The following SEH1L variants were observed in gnomAD, a reference collection of about 807,000 sequenced individuals.
SEH1L encodes nucleoporin SEH1.
In SEH1L, 18 loss-of-function variants were observed where a neutral mutation model predicts 49.5. The ratio of observed to expected loss-of-function variants is 0.36; its 90% CI spans 0.25 to 0.54. The LOEUF is 0.54. Among genes scored for constraint, SEH1L ranks in the 20% least tolerant of loss-of-function variants. The pLI is 0.87. For synonymous variants in SEH1L, 169 were observed against 178.1 expected, an observed-to-expected ratio of 0.95 and a Z score of 0.41; for missense variants, 404 against 528.8, an observed-to-expected ratio of 0.76 and a Z score of 2.31.
In SEH1L at chr18:12,948,063, G is replaced by GCGC. The variant is rs1347450930; in HGVS notation, c.-49_-47dup. The stretch of plus-strand genomic sequence containing the variant: ...GAGGTCTGGCTAGGCTACGGGCCAC[G>GCGC]CGCCGCCGCCGCTGCCGCCGCCACT... On this transcript the variant is annotated 5_prime_UTR_variant, in exon 1 of 9. Transcript: ENST00000399892. 107 of 1,363,538 alleles carry GCGC rather than the reference G, an allele frequency of 7.8e-5. No individual in the cohort carries two copies. In the African/African-American group the frequency reaches 1.5e-3, roughly 19 times the overall value. The allele number at this position is 1,363,538 out of a possible 1,614,324, so 84.5% of individuals were successfully genotyped here. A position where few individuals can be genotyped will look rare whatever the true frequency, so the allele number is the denominator to read the frequency against.
At chr18:12,949,532 A>G (rs1218501716) in intron 1 of SEH1L, among the ~76,000 whole-genome samples, 1 of 126,424 alleles carries the variant, frequency 7.9e-6, no homozygotes, top group East Asian at 2.5e-4. Flanking sequence ...GGCTCACTGC[A>G]AGCTCCGCCT....
intron 4 of SEH1L, among the ~76,000 whole-genome samples, chr18:12,966,844 A>G (rs940846600): frequency 5.3e-5 from 8 of 152,054 alleles, no homozygotes; most frequent in African/African-American, 1.9e-4. Flanking sequence ...TTATTCCAGG[A>G]TTTACTCTCC....
rs548875824 is a variant in SEH1L, at chr18:12,957,352, C to T, written c.309+1743C>T. Among the ~76,000 whole-genome samples the T allele has an allele frequency of 1.5e-3, 230 of 151,888 alleles. 6 individuals carry two copies. In the Middle Eastern group the frequency reaches 0.02, roughly 13 times the overall value. ...CTGAGGCAGGAGAATCGCTTGAACCCGGGAGGCGGAGGTTGTGATGAGCAG... is the reference window on the plus strand; with the variant it reads ...CTGAGGCAGGAGAATCGCTTGAACCTGGGAGGCGGAGGTTGTGATGAGCAG... On this transcript the variant is annotated intron_variant, in intron 3 of 8. Transcript: ENST00000399892.
intron 4 of SEH1L, among the ~76,000 whole-genome samples, chr18:12,963,880 T>C (rs970957374): frequency 2.6e-5 from 4 of 152,212 alleles, no homozygotes; most frequent in Admixed American, 2.0e-4. Flanking sequence ...GTCTGCCTAA[T>C]TTTTGCATTT....
At chr18:12,978,586 G>A (rs1168054339) in intron 5 of SEH1L, 166 bp from the exon 6 acceptor site, 1 of 555,198 alleles carries the variant, frequency 1.8e-6, no homozygotes, top group Non-Finnish European at 3.2e-6. Flanking sequence ...CACAGGGTCT[G>A]GGGGTCAGGA....
chr18:12,951,885 C>T lies in SEH1L; in HGVS notation c.142C>T (p.His48Tyr), dbSNP rs372715497. Residue 48 changes from histidine to tyrosine, a missense_variant, in exon 2 of 9, where the codon CAT becomes TAT. By Grantham distance (83) the His-to-Tyr change is moderately conservative (BLOSUM62 2). Coordinates refer to ENST00000399892, the MANE Select transcript of SEH1L (RefSeq NM_001013437.2). ...VWDKSESGDWHCTASWKTHSG... is the reference protein window; with the variant it reads ...VWDKSESGDWYCTASWKTHSG... ...GGATAAAAGTGAAAGTGGTGATTGG[C>T]ATTGTACTGCTAGCTGGAAGGTTAG... The T allele has an allele frequency of 2.6e-6, 4 of 1,568,158 alleles. No individual in the cohort carries two copies. The highest frequency in any genetic ancestry group is 3.5e-6 in the Non-Finnish European group (4 of 1,149,528).
intron 5 of SEH1L, chr18:12,976,352 T>G (rs1435498170): frequency 6.6e-6 from 1 of 152,214 alleles, no homozygotes; most frequent in Non-Finnish European, 1.5e-5. Flanking sequence ...TTCCGTCCCC[T>G]GGGTAGAAAA....
At chr18:12,980,080 G>T (rs2032128230) in intron 6 of SEH1L, among the ~76,000 whole-genome samples, 1 of 66,482 alleles carries the variant, frequency 1.5e-5, no homozygotes, top group African/African-American at 1.1e-4. Context: ...CCGGGCGGGG[G>T]GCTGACCCCC....
intron 1 of SEH1L, among the ~76,000 whole-genome samples, chr18:12,950,726 G>A (rs2030470337): frequency 6.6e-6 from 1 of 152,236 alleles, no homozygotes; most frequent in Non-Finnish European, 1.5e-5. Context: ...GCCAGTGATA[G>A]TATTGATTTG....
intron 1 of SEH1L, among the ~76,000 whole-genome samples, chr18:12,951,410 A>C (rs1022435017): frequency 6.6e-6 from 1 of 152,108 alleles, no homozygotes; most frequent in Non-Finnish European, 1.5e-5. Flanking sequence ...AAATTTTTTG[A>C]GACGGAGTCT....
At chr18:12,962,377 GAAAA>G (rs540878226) in intron 3 of SEH1L, among the ~76,000 whole-genome samples, 1 of 70,882 alleles carries the variant, frequency 1.4e-5, no homozygotes, top group African/African-American at 4.9e-5. Flanking sequence ...CTGTCCCTAA[GAAAA>G]AAAAAAAAAT....
Position 12,978,581 on chromosome 18 carries a change from G to A in SEH1L, c.621-171G>A, listed in dbSNP as rs2032023744. 2.0e-5 allele frequency: 10 copies of A among 506,046 alleles called. No individual in the cohort carries two copies. In the East Asian group the frequency reaches 2.9e-4, roughly 15 times the overall value. 31.3% of individuals were successfully genotyped at this position (506,046 alleles called of 1,614,324 possible). ...TTTTTGAATAAGGTCACATTCACAG[G>A]GTCTGGGGGTCAGGACTTGGACATA... is the stretch of plus-strand genomic sequence containing the variant. On this transcript the variant is annotated intron_variant, in intron 5 of 8. Transcript: ENST00000399892.
intron 8 of SEH1L, chr18:12,985,518 T>C: frequency 8.2e-7 from 1 of 1,219,844 alleles, no homozygotes; most frequent in South Asian, 3.1e-5. Context: ...AAAACAATTT[T>C]TTGAAATGTT....
chr18:12,986,981 A>G lies in SEH1L; in HGVS notation c.1190A>G (p.Asn397Ser). ...VEHSCDADTA[N>S]LQYPHPRRRY... ...CACTCTTGCGATGCTGACACTGCCA[A>G]CCTCCAGTATCCTCACCCTCGCAGA... The change falls in exon 9 of 9, where the codon AAC becomes AGC. Residue 397 changes from asparagine (N) to serine (S), a missense_variant. Around this residue, in one of 3 missense-constraint regions of SEH1L, gnomAD observed 342 missense variants for 430.8 expected, o/e 0.79. Transcript: ENST00000399892. The G allele has an allele frequency of 1.2e-6, 2 of 1,613,014 alleles. No homozygotes were observed. Among genetic ancestry groups the G allele is most frequent in the African/African-American group, 1.3e-5 (1 of 74,722 alleles).
intron 3 of SEH1L, among the ~76,000 whole-genome samples, chr18:12,960,024 G>C (rs545799521): frequency 3.3e-5 from 5 of 152,288 alleles, no homozygotes; most frequent in South Asian, 2.1e-4. Context: ...ATCTAGTAAG[G>C]GAGGGGGAGT....
At chr18:12,950,713 A>G (rs2030468818) in intron 1 of SEH1L, among the ~76,000 whole-genome samples, 1 of 152,228 alleles carries the variant, frequency 6.6e-6, no homozygotes, top group African/African-American at 2.4e-5. Context: ...ACCGTTTTAT[A>G]CCGCCAGTGA....
chr18:12,977,871 C>T (rs1203733354), intron 5 of SEH1L: 1 of 151,766 alleles, frequency 6.6e-6, no homozygotes. Context: ...CTGTGTTGCC[C>T]AGGCTGGAGT....
At chr18:12,975,066 C>T (rs1200815453) in intron 5 of SEH1L, among the ~76,000 whole-genome samples, 4 of 148,240 alleles carry the variant, frequency 2.7e-5, no homozygotes, top group Non-Finnish European at 6.0e-5. Flanking sequence ...GATCTCGGCT[C>T]ACCGTAACCT....
intron 8 of SEH1L, chr18:12,986,260 G>T (rs2032452926): frequency 1.0e-6 from 1 of 985,322 alleles, no homozygotes; most frequent in Middle Eastern, 5.2e-4. Context: ...GTTACAAGAT[G>T]GAAGAAGAAT....
Sources: allele counts gnomAD v4.1 joint callset (sites outside exome capture counted in the v4.1 genomes callset), GRCh38; gene constraint gnomAD v4.1.1; regional missense constraint gnomAD v4.1.1; transcripts MANE v1.5; gene names NCBI Gene and HGNC (gene_info 2026-07-23, HGNC 2026-07-21).